The following ARFGEF1 variants were observed in gnomAD, a reference collection of about 807,000 sequenced individuals.
The protein encoded by ARFGEF1 is ARF guanine nucleotide exchange factor 1, also known as brefeldin A-inhibited guanine nucleotide-exchange protein 1.
A neutral mutation model predicts 231.0 loss-of-function variants in ARFGEF1; 42 were observed. That is an observed-to-expected ratio of 0.18 (90% CI 0.14 to 0.24). The LOEUF is 0.24. Among genes scored for constraint, ARFGEF1 ranks in the 10% least tolerant of loss-of-function variants. ARFGEF1 has a pLI of 1.00. For synonymous variants in ARFGEF1, 710 were observed against 732.3 expected, an observed-to-expected ratio of 0.97 and a Z score of 0.49; for missense variants, 1,345 against 2,192.0, an observed-to-expected ratio of 0.61 and a Z score of 7.72.
intron 7 of ARFGEF1, among the ~76,000 whole-genome samples, chr8:67,284,115 A>G (rs1047984595): frequency 6.6e-6 from 1 of 152,212 alleles, no homozygotes; most frequent in African/African-American, 2.4e-5. Flanking sequence ...AAACTATGAT[A>G]TATCTGCATA....
chr8:67,328,083 G>T (rs374064309), intron 1 of ARFGEF1, among the ~76,000 whole-genome samples: 1 of 151,970 alleles, frequency 6.6e-6, no homozygotes, highest in East Asian at 1.9e-4. Context: ...AGGGAACAAG[G>T]GAAAAAGATG....
At chr8:67,236,749 T>C (rs758094239) in intron 22 of ARFGEF1, among the ~76,000 whole-genome samples, 34 of 152,176 alleles carry the variant, frequency 2.2e-4, no homozygotes, top group Non-Finnish European at 4.7e-4. Context: ...AAATAAGTGT[T>C]ACTGGTCTTG....
intron 1 of ARFGEF1, among the ~76,000 whole-genome samples, chr8:67,331,340 G>A (rs923556705): frequency 7.9e-5 from 12 of 152,114 alleles, no homozygotes; most frequent in Non-Finnish European, 8.8e-5. Flanking sequence ...TAAGAGGTGG[G>A]GCCTTCAGGA....
At chr8:67,271,029 AAAAAAAAAAAAAAAGGAAAAAG>A (rs1805067264) in intron 10 of ARFGEF1, among the ~76,000 whole-genome samples, 1 of 143,558 alleles carries the variant, frequency 7.0e-6, no homozygotes, top group Non-Finnish European at 1.5e-5. Flanking sequence ...CATCTCCAAA[AAAAAAAAAAAAAAAGGAAAAAG>A]AAAAAAAAAA....
intron 4 of ARFGEF1, 60 bp downstream of exon 4, chr8:67,299,149 G>C: frequency 7.3e-7 from 1 of 1,367,182 alleles, no homozygotes. Flanking sequence ...TAAGGTGAAA[G>C]GCATCTGAAT....
Position 67,299,201 on chromosome 8 carries a change from A to G in ARFGEF1, c.459+8T>C. The G allele has an allele frequency of 6.6e-7, 1 of 1,520,840 alleles. No homozygotes were observed. Among genetic ancestry groups the G allele is most frequent in the Non-Finnish European group, 8.8e-7 (1 of 1,138,066 alleles). 94.2% of individuals were successfully genotyped at this position (1,520,840 alleles called of 1,614,324 possible). A position where few individuals can be genotyped will look rare whatever the true frequency, so the allele number is the denominator to read the frequency against. ...ATTAATAACAATTTTACTTTATATA[A>G]TAATTACCTTTATTATCTGCAGCTG... is the stretch of plus-strand genomic sequence containing the variant. On this transcript the variant is annotated splice_region_variant and intron_variant, in intron 4 of 38. Coordinates refer to ENST00000262215, the MANE Select transcript of ARFGEF1 (RefSeq NM_006421.5).
chr8:67,238,674 C>T, intron 21 of ARFGEF1, 61 bp downstream of exon 21: 1 of 1,560,406 alleles, frequency 6.4e-7, no homozygotes, highest in East Asian at 2.3e-5. Flanking sequence ...CAATGATGGA[C>T]TATTTAGCAT....
Position 67,229,094 on chromosome 8 carries a change from G to C in ARFGEF1, c.3381-830C>G, listed in dbSNP as rs188016300. Among the ~76,000 whole-genome samples, 96 of 152,136 alleles carry C rather than the reference G, an allele frequency of 6.3e-4. 1 individual carries two copies. The highest frequency in any genetic ancestry group is 8.2e-4 in the Non-Finnish European group (56 of 67,960). ...GTAATAGCTACCAATCACAAGATGG[G>C]TTCTTTTCTAGTGTAATATCAATAT... On this transcript the variant is annotated intron_variant, in intron 23 of 38. Coordinates refer to ENST00000262215, the MANE Select transcript of ARFGEF1 (RefSeq NM_006421.5).
intron 14 of ARFGEF1, among the ~76,000 whole-genome samples, chr8:67,262,454 G>A (rs1216172107): frequency 2.0e-5 from 3 of 152,128 alleles, no homozygotes; most frequent in Non-Finnish European, 4.4e-5. Flanking sequence ...GAACACTGGT[G>A]GAAAGAAAAT....
intron 17 of ARFGEF1, among the ~76,000 whole-genome samples, chr8:67,256,415 C>T (rs892942447): frequency 1.4e-4 from 21 of 151,988 alleles, no homozygotes; most frequent in Non-Finnish European, 2.6e-4. Flanking sequence ...TGTATATAAT[C>T]GTATATATTC....
intron 19 of ARFGEF1, among the ~76,000 whole-genome samples, chr8:67,244,601 C>T (rs1188298486): frequency 1.3e-5 from 2 of 148,782 alleles, no homozygotes; most frequent in Non-Finnish European, 3.0e-5. Context: ...TTCCCAGCCC[C>T]ATAAGTCTCT....
intron 10 of ARFGEF1, among the ~76,000 whole-genome samples, chr8:67,268,663 T>G (rs1168101064): frequency 6.6e-6 from 1 of 152,250 alleles, no homozygotes; most frequent in Non-Finnish European, 1.5e-5. Context: ...TTCCAAGATC[T>G]AAGAAGCTGT....
rs184395240 is a variant in ARFGEF1 at position 67,258,972 on chromosome 8, C to T, written c.2236-682G>A. Among the ~76,000 whole-genome samples, 44 of 152,180 alleles carry T rather than the reference C, an allele frequency of 2.9e-4. No homozygotes were observed. The East Asian group carries it at 8.3e-3, about 29-fold the overall frequency. ...ACAGTATTTGCATATAACCTACACA[C>T]GTCCTCCCATATACTCTACTCCCAT... is the stretch of plus-strand genomic sequence containing the variant. On this transcript the variant is annotated intron_variant, in intron 15 of 38. Transcript: ENST00000262215.
In ARFGEF1 at chr8:67,200,443, A is replaced by G. The variant is rs1403880493; in HGVS notation, c.5338T>C (p.Leu1780=). The G allele has an allele frequency of 6.2e-7, 1 of 1,603,698 alleles. No homozygotes were observed. The highest frequency in any genetic ancestry group is 2.2e-5 in the East Asian group (1 of 44,842). Residue 1780 remains leucine (L), a synonymous_variant, in exon 38 of 39, where the codon TTA becomes CTA. Coordinates refer to ENST00000262215, the MANE Select transcript of ARFGEF1 (RefSeq NM_006421.5). The part of the protein sequence containing the change: ...SESHREAWTN[L]LLLFLTKVLK... Reference sequence around the variant, plus strand: ...ACTTTAGTTAGAAACAAAAGCAGTAAGTTAGTCCAGGCTTCTCGATGACTT... The same window carrying G: ...ACTTTAGTTAGAAACAAAAGCAGTAGGTTAGTCCAGGCTTCTCGATGACTT...
Position 67,201,593 on chromosome 8 carries a change from T to G in ARFGEF1, c.5141A>C (p.Lys1714Thr). 1 of 1,613,386 alleles carries G rather than the reference T, an allele frequency of 6.2e-7. No homozygotes were observed. The highest frequency in any genetic ancestry group is 8.5e-7 in the Non-Finnish European group (1 of 1,179,840). The change falls in exon 37 of 39, where the codon AAA (lysine) becomes ACA (threonine). Residue 1714 changes from lysine (K) to threonine (T), a missense_variant. Lys to Thr is a moderately conservative substitution (Grantham distance 78). Coordinates refer to ENST00000262215, the MANE Select transcript of ARFGEF1 (RefSeq NM_006421.5). ...TALWKAGFKGKSKPNLLKQET... is the reference protein window; with the variant it reads ...TALWKAGFKGTSKPNLLKQET... ...CTGCTTCAGAAGGTTGGGCTTGGAT[T>G]TGCCTTTGAATCCTGCAGAAAAGGG...
intron 35 of ARFGEF1, among the ~76,000 whole-genome samples, chr8:67,204,357 T>C (rs569486902): frequency 1.3e-5 from 2 of 152,280 alleles, no homozygotes; most frequent in South Asian, 2.1e-4. Context: ...TCTTAAAACA[T>C]TTTCTTCATC....
In ARFGEF1 at chr8:67,204,732, A is replaced by G; in HGVS notation, c.4907T>C (p.Phe1636Ser). The G allele has an allele frequency of 6.2e-7, 1 of 1,613,876 alleles. No individual in the cohort carries two copies. Among genetic ancestry groups the G allele is most frequent in the Non-Finnish European group, 8.5e-7 (1 of 1,179,888 alleles). The change falls in exon 35 of 39, where the codon TTC becomes TCC. Residue 1636 changes from phenylalanine to serine, a missense_variant. Around this residue, in one of 14 missense-constraint regions of ARFGEF1, gnomAD observed 161 missense variants for 284.9 expected, o/e 0.57. Transcript: ENST00000262215. ...TTCTTTCTTACTTGTGGCTGGGAAG[A>G]AGACAATGTTGTCGATAGTCTGGAT... ...ELIQTIDNIV[F>S]FPATSKKEDA...
chr8:67,279,064 G>GACC (rs1258466533), intron 7 of ARFGEF1, among the ~76,000 whole-genome samples: 1 of 152,104 alleles, frequency 6.6e-6, no homozygotes, highest in East Asian at 1.9e-4. Flanking sequence ...AGGAGCTCAA[G>GACC]ACCAGCCTGG....
intron 27 of ARFGEF1, among the ~76,000 whole-genome samples, chr8:67,226,466 A>G (rs958157407): frequency 1.3e-5 from 2 of 152,164 alleles, no homozygotes; most frequent in Non-Finnish European, 2.9e-5. Flanking sequence ...TGAATATACA[A>G]AATTACTTAA....
Sources: gnomAD v4.1 joint callset for allele counts (sites outside exome capture counted in the v4.1 genomes callset) on GRCh38, gnomAD v4.1.1 for gene constraint, gnomAD v4.1.1 regional missense constraint, MANE v1.5 for transcripts, NCBI Gene and HGNC (gene_info 2026-07-23, HGNC 2026-07-21) for gene names.